The following ANKRD6 variants were observed in gnomAD, a reference collection of about 807,000 sequenced individuals.
ANKRD6 encodes ankyrin repeat domain 6, also known as ankyrin repeat domain-containing protein 6.
In ANKRD6, 56 loss-of-function variants were observed where a neutral mutation model predicts 82.3. The ratio of observed to expected loss-of-function variants is 0.68; its 90% CI spans 0.55 to 0.85. The LOEUF (loss-of-function observed/expected upper bound fraction) is 0.85. ANKRD6 is among the 40% of genes least tolerant of loss of function. The probability of loss-of-function intolerance (pLI) is 0.00; values close to 1 mark genes in which losing one functional copy is unlikely to be tolerated. For missense variants in ANKRD6, 852 were observed against 907.6 expected, an observed-to-expected ratio of 0.94 and a Z score of 0.79; for synonymous variants, 347 against 352.1, an observed-to-expected ratio of 0.99 and a Z score of 0.16.
At chr6:89,586,433 A>G (rs1349673418) in intron 2 of ANKRD6, among the ~76,000 whole-genome samples, 1 of 152,192 alleles carries the variant, frequency 6.6e-6, no homozygotes, top group East Asian at 1.9e-4. Flanking sequence ...TCACACCTGT[A>G]ATCCCAGCAC....
intron 2 of ANKRD6, among the ~76,000 whole-genome samples, chr6:89,574,188 C>G (rs1483964265): frequency 6.6e-6 from 1 of 152,208 alleles, no homozygotes; most frequent in Non-Finnish European, 1.5e-5. Flanking sequence ...TTAGCAACAT[C>G]ACTGACATTT....
At chr6:89,513,390 C>A (rs1312100426) in intron 1 of ANKRD6, among the ~76,000 whole-genome samples, 1 of 152,144 alleles carries the variant, frequency 6.6e-6, no homozygotes, top group Non-Finnish European at 1.5e-5. Context: ...ACCTGCTTTC[C>A]CCTCCAAATC....
At chr6:89,564,820 C>T (rs1166648087) in intron 1 of ANKRD6, among the ~76,000 whole-genome samples, 1 of 151,300 alleles carries the variant, frequency 6.6e-6, no homozygotes, top group Admixed American at 6.6e-5. Context: ...GGAAGGGGGC[C>T]GTTGGGTCTA....
intron 1 of ANKRD6, among the ~76,000 whole-genome samples, chr6:89,476,232 C>G (rs757038685): frequency 4.6e-5 from 7 of 151,972 alleles, no homozygotes; most frequent in Non-Finnish European, 1.0e-4. Flanking sequence ...GTTGTCCAGA[C>G]TAGAGTGAAG....
intron 1 of ANKRD6, among the ~76,000 whole-genome samples, chr6:89,460,573 T>A (rs944080954): frequency 6.6e-6 from 1 of 151,812 alleles, no homozygotes; most frequent in South Asian, 2.1e-4. Flanking sequence ...GTAGCTGGGA[T>A]TACAGACGCC....
chr6:89,504,746 C>T (rs1779653251), intron 1 of ANKRD6, among the ~76,000 whole-genome samples: 1 of 152,156 alleles, frequency 6.6e-6, no homozygotes, highest in Non-Finnish European at 1.5e-5. Context: ...TGGGAATTTG[C>T]CCATCCAGTC....
chr6:89,569,204 C>A (rs570815822), intron 2 of ANKRD6, among the ~76,000 whole-genome samples: 1 of 152,142 alleles, frequency 6.6e-6, no homozygotes. Flanking sequence ...CATGAGCCAC[C>A]GCGCCTGGCT....
chr6:89,621,357 G>A (rs557694201), intron 9 of ANKRD6: 1 of 158,808 alleles, frequency 6.3e-6, no homozygotes, highest in Admixed American at 5.9e-5. Flanking sequence ...CACTGTAAGA[G>A]GCAGAGTAAA....
chr6:89,559,758 T>A (rs1291701286), intron 1 of ANKRD6, among the ~76,000 whole-genome samples: 1 of 152,054 alleles, frequency 6.6e-6, no homozygotes, highest in African/African-American at 2.4e-5. Context: ...AGAGTGATAA[T>A]TTTTTTGGCC....
At chr6:89,532,670 G>A (rs903795617) in intron 1 of ANKRD6, among the ~76,000 whole-genome samples, 3 of 151,920 alleles carry the variant, frequency 2.0e-5, no homozygotes, top group Non-Finnish European at 2.9e-5. Flanking sequence ...ATGAAAGAAC[G>A]TATTGAAAGC....
intron 10 of ANKRD6, 120 bp from the exon 11 acceptor site, chr6:89,623,290 T>C: frequency 7.5e-7 from 1 of 1,324,986 alleles, no homozygotes; most frequent in Non-Finnish European, 1.0e-6. Flanking sequence ...ATTTATGTTA[T>C]TTGCAAAGGT....
At chr6:89,438,326 C>A (rs1239879562) in intron 1 of ANKRD6, among the ~76,000 whole-genome samples, 2 of 152,122 alleles carry the variant, frequency 1.3e-5, no homozygotes, top group Non-Finnish European at 2.9e-5. Context: ...TCTTGTGATG[C>A]CACCATCTTC....
At chr6:89,460,216 A>G (rs1773959318) in intron 1 of ANKRD6, among the ~76,000 whole-genome samples, 1 of 151,428 alleles carries the variant, frequency 6.6e-6, no homozygotes, top group South Asian at 2.1e-4. Context: ...GAATTTGGAT[A>G]ATAATGTAGT....
At chr6:89,553,630 C>T (rs192170269) in intron 1 of ANKRD6, among the ~76,000 whole-genome samples, 96 of 152,142 alleles carry the variant, frequency 6.3e-4, no homozygotes, top group Middle Eastern at 3.4e-3. Context: ...CAGGCTGTCA[C>T]GCTCATTTCA....
chr6:89,530,322 C>T (rs1782984492), intron 1 of ANKRD6, among the ~76,000 whole-genome samples: 1 of 151,578 alleles, frequency 6.6e-6, no homozygotes, highest in Non-Finnish European at 1.5e-5. Flanking sequence ...GAAGTGAGCA[C>T]ATGTCGTTGG....
chr6:89,481,171 G>A (rs1776762560), intron 1 of ANKRD6, among the ~76,000 whole-genome samples: 1 of 152,020 alleles, frequency 6.6e-6, no homozygotes, highest in African/African-American at 2.4e-5. Context: ...AAACAAAAAT[G>A]AGCATCCCCC....
Position 89,624,560 on chromosome 6 carries a change from T to C in ANKRD6, c.1240T>C (p.Cys414Arg), listed in dbSNP as rs1470554135. The C allele has an allele frequency of 1.3e-6, 2 of 1,553,402 alleles. No homozygotes were observed. The highest frequency in any genetic ancestry group is 1.2e-5 in the South Asian group (1 of 84,110). ...VMQAPINGCR[C>R]EPLINKLENQ... ...TTAGGCACCAATAAATGGTTGTCGA[T>C]GTGAACCTCTAATCAACAAGCTGGA... The change falls in exon 13 of 16, where the codon TGT becomes CGT. Residue 414 changes from cysteine (C) to arginine (R), a missense_variant. By Grantham distance (180) the Cys-to-Arg change is radical. Coordinates refer to ENST00000339746, the MANE Select transcript of ANKRD6 (RefSeq NM_001242809.2).
chr6:89,603,062 G>T lies in ANKRD6; in HGVS notation c.253G>T (p.Val85Leu), dbSNP rs1797603585. The T allele has an allele frequency of 6.2e-7, 1 of 1,608,992 alleles. No individual in the cohort carries two copies. The highest frequency in any genetic ancestry group is 8.5e-7 in the Non-Finnish European group (1 of 1,178,060). Reference sequence around the variant, plus strand: ...GACCGCCTTGCACCGGGCCACAGTGGTGGGGAACACGGAGATCATCGCGGC... The same window carrying T: ...GACCGCCTTGCACCGGGCCACAGTGTTGGGGAACACGGAGATCATCGCGGC... Reference protein sequence around the residue: ...DQTALHRATVVGNTEIIAALI... With the variant: ...DQTALHRATVLGNTEIIAALI... The change falls in exon 4 of 16, where the codon GTG becomes TTG. Residue 85 changes from valine (V) to leucine (L), a missense_variant. Transcript: ENST00000339746.
At chr6:89,615,479 G>A (rs1228242766) in intron 7 of ANKRD6, among the ~76,000 whole-genome samples, 1 of 152,186 alleles carries the variant, frequency 6.6e-6, no homozygotes, top group Non-Finnish European at 1.5e-5. Flanking sequence ...GCACTTGAGA[G>A]CTTTAAAAAG....
Sources: allele counts gnomAD v4.1 joint callset (sites outside exome capture counted in the v4.1 genomes callset), GRCh38; gene constraint gnomAD v4.1.1; transcripts MANE v1.5; gene names NCBI Gene and HGNC (gene_info 2026-07-23, HGNC 2026-07-21).